Variants in DTL observed in about 807,000 individuals in gnomAD.
DTL encodes the protein denticleless E3 ubiquitin protein ligase adapter, also known as denticleless protein homolog.
Under a neutral mutation model 87.0 loss-of-function variants are expected in DTL, and 46 were observed. The observed-to-expected ratio is 0.53, with a 90% CI of 0.42 to 0.68. The LOEUF is 0.68. Ranked by LOEUF, DTL falls within the 30% of genes least tolerant of loss-of-function variation. The probability of loss-of-function intolerance (pLI) is 0.00; values close to 1 mark genes in which losing one functional copy is unlikely to be tolerated. For missense variants in DTL, 737 were observed against 869.4 expected (o/e 0.85, Z 1.91); for synonymous variants, 308 against 311.2 (o/e 0.99, Z 0.11).
intron 5 of DTL, among the ~76,000 whole-genome samples, chr1:212,052,757 C>T (rs1314887796): frequency 2.0e-5 from 3 of 150,096 alleles, no homozygotes; most frequent in Non-Finnish European, 4.4e-5. Context: ...TTCAATTACT[C>T]ATGTATTTGA....
intron 3 of DTL, among the ~76,000 whole-genome samples, chr1:212,045,380 G>A (rs1667777334): frequency 6.6e-6 from 1 of 152,110 alleles, no homozygotes; most frequent in South Asian, 2.1e-4. Flanking sequence ...ATACTTTTTA[G>A]GATTAAAAAC....
At chr1:212,036,438 C>A (rs542427252) in intron 1 of DTL, among the ~76,000 whole-genome samples, 1 of 152,116 alleles carries the variant, frequency 6.6e-6, no homozygotes, top group Non-Finnish European at 1.5e-5. Flanking sequence ...GGAACAAAAT[C>A]TTATTTTCCC....
chr1:212,054,214 G>A (rs188916243), intron 5 of DTL, among the ~76,000 whole-genome samples: 2 of 152,178 alleles, frequency 1.3e-5, no homozygotes, highest in South Asian at 4.1e-4. Context: ...GTTTAAACAC[G>A]GAATCATGGG....
At chr1:212,070,610 C>CAAA (rs574962254) in intron 10 of DTL, among the ~76,000 whole-genome samples, 17 of 137,246 alleles carry the variant, frequency 1.2e-4, no homozygotes, top group African/African-American at 4.5e-4. Context: ...GACCCTGTCT[C>CAAA]AAAAAAAAAA....
chr1:212,066,601 G>A (rs887462846), intron 7 of DTL, among the ~76,000 whole-genome samples: 15 of 152,136 alleles, frequency 9.9e-5, no homozygotes, highest in Non-Finnish European at 2.1e-4. Flanking sequence ...TGTTTTTTGA[G>A]TATAAGTTGA....
rs758038197 is a variant in DTL at position 212,080,689 on chromosome 1, T to C, written c.1200T>C (p.Gly400=). 6.2e-6 allele frequency: 10 copies of C among 1,613,410 alleles called. No individual in the cohort carries two copies. In the African/African-American group the frequency reaches 1.1e-4, roughly 17 times the overall value. ...GAGGCTTAGAGGAGAAACCAGGAGG[T>C]GATAAACTTTCCACGGTGGGTTGGG... The part of the protein sequence containing the change: ...LNRGLEEKPG[G]DKLSTVGWAS... Residue 400 remains glycine, a synonymous_variant, in exon 13 of 15, where the codon GGT becomes GGC. Coordinates refer to ENST00000366991, the MANE Select transcript of DTL (RefSeq NM_016448.4).
At chr1:212,102,781 A>G (rs1655661636) in intron 14 of DTL, 61 bp from the exon 15 acceptor site, 6 of 1,207,836 alleles carry the variant, frequency 5.0e-6, no homozygotes, top group African/African-American at 1.5e-5. Flanking sequence ...ATGCCTTAGT[A>G]ATAACTTAGT....
At chr1:212,065,348 G>GT (rs749079300) in intron 7 of DTL, among the ~76,000 whole-genome samples, 2,148 of 151,356 alleles carry the variant, frequency 0.014, 20 homozygotes, top group South Asian at 0.03. Flanking sequence ...GCAGAAAGTG[G>GT]TTTTTTTTTT....
intron 5 of DTL, among the ~76,000 whole-genome samples, chr1:212,060,139 C>A (rs1212477556): frequency 3.3e-5 from 5 of 152,034 alleles, no homozygotes; most frequent in African/African-American, 1.2e-4. Flanking sequence ...ATCAAAATAC[C>A]AACATCATTT....
At position 212,080,597 on chromosome 1, in the gene DTL, C is replaced by G. The variant is rs888728689; in HGVS notation, c.1126-18C>G. ...TTGATTGAAATTTCTTAATTCCCTT[C>G]TTGGTACTCCCTCTTAGATTGCTAC... On this transcript the variant is annotated intron_variant, in intron 12 of 14. Coordinates refer to ENST00000366991, the MANE Select transcript of DTL (RefSeq NM_016448.4). 3.1e-6 allele frequency: 5 copies of G among 1,599,976 alleles called. No individual in the cohort carries two copies. Among genetic ancestry groups the G allele is most frequent in the African/African-American group, 2.7e-5 (2 of 73,976 alleles).
intron 5 of DTL, among the ~76,000 whole-genome samples, chr1:212,053,421 G>A (rs1414323737): frequency 6.6e-6 from 1 of 151,898 alleles, no homozygotes; most frequent in Non-Finnish European, 1.5e-5. Context: ...TTGAACTTCT[G>A]GGCCCAAGGG....
chr1:212,076,921 G>C (rs1250079919), intron 11 of DTL, among the ~76,000 whole-genome samples: 4 of 152,174 alleles, frequency 2.6e-5, no homozygotes, highest in Non-Finnish European at 4.4e-5. Flanking sequence ...AGACAAGTTA[G>C]ACTCTGCTCT....
chr1:212,096,603 T>A (rs1169006440), intron 13 of DTL, among the ~76,000 whole-genome samples: 2 of 152,214 alleles, frequency 1.3e-5, no homozygotes, highest in Non-Finnish European at 2.9e-5. Flanking sequence ...AGAATTTTTT[T>A]AATTTCCAGC....
chr1:212,071,956 C>A, intron 10 of DTL, 145 bp from the exon 11 acceptor site: 1 of 588,498 alleles, frequency 1.7e-6, no homozygotes, highest in Non-Finnish European at 3.0e-6. Flanking sequence ...ATGTCTAGTT[C>A]CCTTGTATTT....
Position 212,035,804 on chromosome 1 carries a change from TTG to T in DTL, c.-84_-83del. ...GAGTTGGAGGCGATAACGATTTGTG[TTG>T]TGAGAGGCGCAAGCTGCGATTTCTG... On this transcript the variant is annotated 5_prime_UTR_variant, in exon 1 of 15. Transcript: ENST00000366991. 1 of 1,330,446 alleles carries T rather than the reference TTG, an allele frequency of 7.5e-7. No homozygotes were observed. The highest frequency in any genetic ancestry group is 1.2e-5 in the South Asian group (1 of 82,256). The allele number at this position is 1,330,446 out of a possible 1,614,324, so 82.4% of individuals were successfully genotyped here. A position where few individuals can be genotyped will look rare whatever the true frequency, so the allele number is the denominator to read the frequency against.
At chr1:212,098,303 T>C (rs1655508235) in intron 13 of DTL, among the ~76,000 whole-genome samples, 1 of 152,242 alleles carries the variant, frequency 6.6e-6, no homozygotes, top group Admixed American at 6.5e-5. Flanking sequence ...TCTGCTTTCT[T>C]GGAGCAGGGT....
chr1:212,078,135 T>G (rs1348425154), intron 11 of DTL, 38 bp from the exon 12 acceptor site: 1 of 1,266,372 alleles, frequency 7.9e-7, no homozygotes, highest in Admixed American at 1.7e-5. Flanking sequence ...GGAAATCTAA[T>G]ATTGCTTTGC....
At position 212,066,896 on chromosome 1, in the gene DTL, AT is replaced by A; in HGVS notation, c.713+14del. 2 of 1,609,076 alleles carry A rather than the reference AT, an allele frequency of 1.2e-6. No individual in the cohort carries two copies. The highest frequency in any genetic ancestry group is 1.7e-6 in the Non-Finnish European group (2 of 1,176,080). On this transcript the variant is annotated intron_variant, in intron 8 of 14. Coordinates refer to ENST00000366991, the MANE Select transcript of DTL (RefSeq NM_016448.4). ...AGGAGCTGTGGATGGGTAAGAGTCT[AT>A]TTCTTTTTTCTTCCGACGAGATCTT... is the stretch of plus-strand genomic sequence containing the variant.
At chr1:212,101,849 GGAGGCAGAAGTAGCT>G (rs1354510592) in intron 14 of DTL, among the ~76,000 whole-genome samples, 1 of 152,194 alleles carries the variant, frequency 6.6e-6, no homozygotes, top group Non-Finnish European at 1.5e-5. Flanking sequence ...TTACAGTGGT[GGAGGCAGAAGTAGCT>G]GAGTGCATTG....
Sources: allele counts gnomAD v4.1 joint callset (sites outside exome capture counted in the v4.1 genomes callset), GRCh38; gene constraint gnomAD v4.1.1; transcripts MANE v1.5; gene names NCBI Gene and HGNC (gene_info 2026-07-23, HGNC 2026-07-21).